The following ESCO2 variants were observed in gnomAD, a reference collection of about 807,000 sequenced individuals.
ESCO2 encodes establishment of sister chromatid cohesion N-acetyltransferase 2, also known as N-acetyltransferase ESCO2.
In ESCO2, 51 loss-of-function variants were observed where a neutral mutation model predicts 61.7. That is an observed-to-expected ratio of 0.83 (90% confidence interval 0.66 to 1.04). ESCO2 has a LOEUF of 1.04. ESCO2 is among the 50% of genes least tolerant of loss of function. The pLI is 0.00. For synonymous variants in ESCO2, 230 were observed against 238.2 expected (o/e 0.97, Z 0.32); for missense variants, 692 against 686.2 (o/e 1.01, Z -0.09).
downstream of ESCO2, among the ~76,000 whole-genome samples, chr8:27,813,593 TTAAC>T (rs780062158): frequency 5.1e-4 from 74 of 146,530 alleles, no homozygotes; most frequent in South Asian, 3.5e-3. Context: ...GTCAAGCTAA[TTAAC>T]ATATCTATCA....
intron 5 of ESCO2, 141 bp from the exon 6 acceptor site, chr8:27,787,744 T>C: frequency 1.5e-6 from 1 of 665,850 alleles, no homozygotes. Flanking sequence ...TTTCTCTTTG[T>C]TCCTGTCCTT....
chr8:27,800,952 G>C (rs1249703456), intron 10 of ESCO2, among the ~76,000 whole-genome samples: 1 of 152,166 alleles, frequency 6.6e-6, no homozygotes, highest in Non-Finnish European at 1.5e-5. Flanking sequence ...AAGATGAATG[G>C]AGAGCAACTA....
chr8:27,789,772 A>G lies in ESCO2; in HGVS notation c.1263+794A>G, dbSNP rs111601079. Among the ~76,000 whole-genome samples the G allele has an allele frequency of 3.1e-3, 443 of 140,908 alleles. 2 individuals carry two copies. Among genetic ancestry groups the G allele is most frequent in the African/African-American group, 9.7e-3 (354 of 36,320 alleles). 92.4% of individuals were successfully genotyped at this position (140,908 alleles called of 152,430 possible). A position where few individuals can be genotyped will look rare whatever the true frequency, so the allele number is the denominator to read the frequency against. ...CTCTAGCCTGGGTGACAAGAGCAAA[A>G]CTCCATCTCAAAAAAAAAAAAAAAA... On this transcript the variant is annotated intron_variant, in intron 7 of 10. Coordinates refer to ENST00000305188, the MANE Select transcript of ESCO2 (RefSeq NM_001017420.3).
intron 5 of ESCO2, among the ~76,000 whole-genome samples, chr8:27,785,090 C>A (rs1805008420): frequency 6.6e-6 from 1 of 152,184 alleles, no homozygotes; most frequent in Non-Finnish European, 1.5e-5. Flanking sequence ...GTTATAGAGG[C>A]TGAGAAGTTC....
chr8:27,802,692 AT>A (rs74962285), intron 10 of ESCO2, among the ~76,000 whole-genome samples: 5 of 119,484 alleles, frequency 4.2e-5, no homozygotes, highest in African/African-American at 1.2e-4. Context: ...CTTAAGATTG[AT>A]TTTTTTTGGT....
intron 5 of ESCO2, among the ~76,000 whole-genome samples, chr8:27,787,105 C>T (rs1426721055): frequency 2.0e-5 from 3 of 152,102 alleles, no homozygotes; most frequent in South Asian, 2.1e-4. Context: ...TACAATGTCT[C>T]TTAATATTGG....
chr8:27,803,098 C>T (rs543296922), intron 10 of ESCO2, among the ~76,000 whole-genome samples: 1 of 152,212 alleles, frequency 6.6e-6, no homozygotes, highest in Non-Finnish European at 1.5e-5. Context: ...GGATGGTTCC[C>T]TTTGCCTCTC....
Position 27,799,623 on chromosome 8 carries a change from T to C in ESCO2, c.1580T>C (p.Val527Ala). 6.2e-7 allele frequency: 1 copy of C among 1,613,996 alleles called. No homozygotes were observed. The change falls in exon 10 of 11, where the codon GTA becomes GCA. Residue 527 changes from valine (V) to alanine (A), a missense_variant. Val to Ala is a moderately conservative substitution (Grantham distance 64). Transcript: ENST00000305188. ...CCTAGGGCTTGGCAATGTTCAGATG[T>C]ACCAGAACCTGCAGTCTGTGGGATA... ...ECPRAWQCSDVPEPAVCGISR... is the reference protein window; with the variant it reads ...ECPRAWQCSDAPEPAVCGISR...
At position 27,799,476 on chromosome 8, in the gene ESCO2, T is replaced by A; in HGVS notation, c.1498-65T>A. On this transcript the variant is annotated intron_variant, in intron 9 of 10. Transcript: ENST00000305188. ...ATTTTTGATACTTATTTAAGGAATT[T>A]TTTTTTAAAGCAGTGTGAACTCATC... is the stretch of plus-strand genomic sequence containing the variant. 3 of 1,544,682 alleles carry A rather than the reference T, an allele frequency of 1.9e-6. No individual in the cohort carries two copies. In the South Asian group the frequency reaches 3.4e-5, roughly 17 times the overall value.
At position 27,775,508 on chromosome 8, in the gene ESCO2, A is replaced by C. The variant is rs758061966; in HGVS notation, c.-7A>C. ...TTGTCATTTCTTTTAGGAATTCAAT[A>C]AAGAAAATGGCAGCTCTTACTCCAA... On this transcript the variant is annotated 5_prime_UTR_variant, in exon 2 of 11. Transcript: ENST00000305188. The C allele has an allele frequency of 6.2e-7, 1 of 1,613,910 alleles. No homozygotes were observed. Among genetic ancestry groups the C allele is most frequent in the East Asian group, 2.2e-5 (1 of 44,862 alleles).
At chr8:27,802,361 C>T (rs184048153) in intron 10 of ESCO2, among the ~76,000 whole-genome samples, 56 of 150,140 alleles carry the variant, frequency 3.7e-4, no homozygotes, top group South Asian at 8.4e-4. Context: ...TTTGGGAGGC[C>T]GAGGCGGGTG....
intron 5 of ESCO2, among the ~76,000 whole-genome samples, chr8:27,784,769 C>T (rs923395059): frequency 1.3e-5 from 2 of 152,188 alleles, no homozygotes; most frequent in Admixed American, 6.5e-5. Context: ...TCTTCCTAAG[C>T]AGCTTTGATT....
chr8:27,803,533 C>A lies in ESCO2; in HGVS notation c.*95C>A. On this transcript the variant is annotated 3_prime_UTR_variant, in exon 11 of 11. Transcript: ENST00000305188. ...CTATTTAATATCAAAATAAAAAATA[C>A]CGAGACTCACACTCATACACACACA... 1 of 1,514,336 alleles carries A rather than the reference C, an allele frequency of 6.6e-7. No individual in the cohort carries two copies. Among genetic ancestry groups the A allele is most frequent in the Non-Finnish European group, 8.8e-7 (1 of 1,137,176 alleles). The allele number at this position is 1,514,336 out of a possible 1,614,324, so 93.8% of individuals were successfully genotyped here.
downstream of ESCO2, chr8:27,811,056 G>C: frequency 6.2e-7 from 1 of 1,612,582 alleles, no homozygotes; most frequent in Non-Finnish European, 8.5e-7. Flanking sequence ...TGCCTTGTCA[G>C]TAATAACACC....
intron 7 of ESCO2, 22 bp downstream of exon 7, chr8:27,789,000 C>T: frequency 6.2e-7 from 1 of 1,613,774 alleles, no homozygotes; most frequent in Non-Finnish European, 8.5e-7. Flanking sequence ...CATAGTCTTT[C>T]AGTTTGTTCT....
chr8:27,799,591 G>A lies in ESCO2; in HGVS notation c.1548G>A (p.Thr516=), dbSNP rs149917909. Residue 516 remains threonine, a synonymous_variant, in exon 10 of 11, where the codon ACG becomes ACA. Transcript: ENST00000305188. ...TTGGTCCAGAATCCCCAAGCTCTACGGAATGTCCTAGGGCTTGGCAATGTT... is the reference window on the plus strand; with the variant it reads ...TTGGTCCAGAATCCCCAAGCTCTACAGAATGTCCTAGGGCTTGGCAATGTT... ...EPIGPESPSS[T]ECPRAWQCSD... 471 of 1,613,816 alleles carry A rather than the reference G, an allele frequency of 2.9e-4. 6 individuals carry two copies. The East Asian group carries it at 6.1e-3, about 21-fold the overall frequency.
chr8:27,776,390 C>A lies in ESCO2; in HGVS notation c.82C>A (p.Pro28Thr). 1 of 1,607,712 alleles carries A rather than the reference C, an allele frequency of 6.2e-7. No homozygotes were observed. The highest frequency in any genetic ancestry group is 8.5e-7 in the Non-Finnish European group (1 of 1,177,000). ...TTTACACTTCACTGAAAATCTGTTTCCATCACCTAATAAAAAGCACTGTTT... is the reference window on the plus strand; with the variant it reads ...TTTACACTTCACTGAAAATCTGTTTACATCACCTAATAAAAAGCACTGTTT... Reference protein sequence around the residue: ...SLLHFTENLFPSPNKKHCFYQ... With the variant: ...SLLHFTENLFTSPNKKHCFYQ... The change falls in exon 3 of 11, where the codon CCA becomes ACA. Residue 28 changes from proline to threonine, a missense_variant. By Grantham distance (38) the Pro-to-Thr change is conservative. Transcript: ENST00000305188.
chr8:27,799,495 A>C, intron 9 of ESCO2, 46 bp from the exon 10 acceptor site: 1 of 1,598,972 alleles, frequency 6.3e-7, no homozygotes, highest in Non-Finnish European at 8.6e-7. Flanking sequence ...AGCAGTGTGA[A>C]CTCATCTGTG....
downstream of ESCO2, among the ~76,000 whole-genome samples, chr8:27,813,231 C>T (rs1439007022): frequency 6.6e-6 from 1 of 152,162 alleles, no homozygotes; most frequent in Non-Finnish European, 1.5e-5. Flanking sequence ...GAAAACCAAA[C>T]ACCACATGTC....
Sources: allele counts gnomAD v4.1 joint callset (sites outside exome capture counted in the v4.1 genomes callset), GRCh38; gene constraint gnomAD v4.1.1; transcripts MANE v1.5; gene names NCBI Gene and HGNC (gene_info 2026-07-23, HGNC 2026-07-21).